Variants in DGKB observed in about 807,000 individuals in gnomAD.
DGKB encodes the protein 90 kDa diacylglycerol kinase.
In DGKB, 67 loss-of-function variants were observed where a neutral mutation model predicts 114.3. The observed-to-expected ratio is 0.59, with a 90% CI of 0.48 to 0.72. DGKB has a LOEUF of 0.72. Among genes scored for constraint, DGKB ranks in the 30% least tolerant of loss-of-function variants. DGKB has a pLI of 0.00. For synonymous variants in DGKB, 398 were observed against 323.1 expected (o/e 1.23, Z -2.49); for missense variants, 907 against 975.2 (o/e 0.93, Z 0.93).
chr7:14,350,560 C>G (rs75313329), intron 21 of DGKB, among the ~76,000 whole-genome samples: 3,481 of 151,834 alleles, frequency 0.023, 58 homozygotes, highest in Middle Eastern at 0.041. Context: ...TCATAAGCAA[C>G]AAAAAAGTTT....
intron 21 of DGKB, among the ~76,000 whole-genome samples, chr7:14,382,219 T>C (rs1045974982): frequency 2.0e-5 from 3 of 151,952 alleles, no homozygotes; most frequent in African/African-American, 4.8e-5. Context: ...ACTGGGGATA[T>C]GCCTACCATG....
At chr7:14,304,295 G>A (rs1481172985) in intron 23 of DGKB, among the ~76,000 whole-genome samples, 3 of 151,424 alleles carry the variant, frequency 2.0e-5, no homozygotes, top group African/African-American at 7.3e-5. Flanking sequence ...TCCACATTTG[G>A]CATCATTACA....
intron 23 of DGKB, among the ~76,000 whole-genome samples, chr7:14,302,484 C>T (rs561113558): frequency 6.6e-6 from 1 of 151,990 alleles, no homozygotes; most frequent in Non-Finnish European, 1.5e-5. Context: ...GATTGTCTAC[C>T]TCCCTGTTCT....
rs533755852 is a variant in DGKB at position 14,607,031 on chromosome 7, T to C, written c.1433+403A>G. Among the ~76,000 whole-genome samples the C allele has an allele frequency of 2.0e-5, 3 of 152,060 alleles. No homozygotes were observed. In the South Asian group the frequency reaches 6.2e-4, roughly 31 times the overall value. On this transcript the variant is annotated intron_variant, in intron 17 of 25. Coordinates refer to ENST00000402815, the MANE Select transcript of DGKB (RefSeq NM_001350709.2). ...TGTTCCAATAATGGAACACTAGGCA[T>C]AAATGGACTAACTAGCTTTCTCTTT...
chr7:14,936,760 C>A (rs2189716), intron 1 of DGKB, among the ~76,000 whole-genome samples: 3,129 of 152,074 alleles, frequency 0.021, 97 homozygotes, highest in African/African-American at 0.07. Flanking sequence ...CATCCTGCTG[C>A]GTTGTTTCTC....
chr7:14,547,823 G>A (rs1794529162), intron 20 of DGKB, among the ~76,000 whole-genome samples: 1 of 152,086 alleles, frequency 6.6e-6, no homozygotes, highest in Non-Finnish European at 1.5e-5. Flanking sequence ...ATGACTGAAA[G>A]AAAATAAAAA....
chr7:14,698,532 G>A (rs573182740), intron 7 of DGKB, among the ~76,000 whole-genome samples: 9 of 152,222 alleles, frequency 5.9e-5, no homozygotes, highest in Admixed American at 2.6e-4. Flanking sequence ...GAAAATAGAT[G>A]TGAAAGGGTG....
chr7:14,191,907 G>A, intron 23 of DGKB: 1 of 579,404 alleles, frequency 1.7e-6, no homozygotes, highest in East Asian at 5.1e-5. Flanking sequence ...AAGATTGATT[G>A]CCAGTCTGGT....
At chr7:14,390,144 A>G (rs1821096408) in intron 21 of DGKB, among the ~76,000 whole-genome samples, 1 of 152,186 alleles carries the variant, frequency 6.6e-6, no homozygotes, top group African/African-American at 2.4e-5. Context: ...TGAGTATACT[A>G]TGATACATAC....
chr7:14,701,603 T>G (rs1450875836), intron 7 of DGKB, 78 bp downstream of exon 7: 5 of 1,035,512 alleles, frequency 4.8e-6, no homozygotes, highest in Non-Finnish European at 7.6e-6. Context: ...TCTGTGGTAA[T>G]AACTACAAAT....
In DGKB at chr7:14,349,751, T is replaced by G. The variant is rs536775975; in HGVS notation, c.1836-4360A>C. On this transcript the variant is annotated intron_variant, in intron 21 of 25. Coordinates refer to ENST00000402815, the MANE Select transcript of DGKB (RefSeq NM_001350709.2). ...TTTTTCAACCAAACTGGTTTTAGGT[T>G]GTAGAAATGCAAAAAAGCACATTTA... 1.9e-3 allele frequency among the ~76,000 whole-genome samples: 294 copies of G among 152,276 alleles called. 1 individual carries two copies. The highest frequency in any genetic ancestry group is 3.4e-3 in the Middle Eastern group (1 of 294).
intron 1 of DGKB, among the ~76,000 whole-genome samples, chr7:14,849,316 C>CA (rs145287568): frequency 0.14 from 20,531 of 151,982 alleles, 1,450 homozygotes; most frequent in South Asian, 0.21. Context: ...ATTTGTCCCC[C>CA]TCACTGCTGC....
intron 20 of DGKB, among the ~76,000 whole-genome samples, chr7:14,506,186 A>G (rs1159052015): frequency 6.6e-6 from 1 of 152,110 alleles, no homozygotes; most frequent in Non-Finnish European, 1.5e-5. Context: ...TTTTGGCAAA[A>G]TTTTCTGATT....
intron 13 of DGKB, among the ~76,000 whole-genome samples, chr7:14,650,821 A>AG (rs1489502919): frequency 6.9e-6 from 1 of 145,952 alleles, no homozygotes; most frequent in Non-Finnish European, 1.5e-5. Flanking sequence ...GGATATCACC[A>AG]CAGATCCCAC....
chr7:14,629,915 G>A (rs917282505), intron 14 of DGKB, among the ~76,000 whole-genome samples: 4 of 151,804 alleles, frequency 2.6e-5, no homozygotes, highest in African/African-American at 4.8e-5. Flanking sequence ...ATTTTAACGT[G>A]AAAAAATGGG....
intron 21 of DGKB, among the ~76,000 whole-genome samples, chr7:14,457,195 C>T (rs950031058): frequency 6.6e-6 from 1 of 152,040 alleles, no homozygotes; most frequent in Non-Finnish European, 1.5e-5. Context: ...TATCATAGTG[C>T]ACTAGTAAAG....
Position 14,753,834 on chromosome 7 carries a change from G to T in DGKB, c.168+94C>A. The T allele has an allele frequency of 4.9e-6, 4 of 823,146 alleles. No individual in the cohort carries two copies. In the South Asian group the frequency reaches 6.0e-5, roughly 12 times the overall value. The allele number at this position is 823,146 out of a possible 1,614,324, so 51.0% of individuals were successfully genotyped here. A position where few individuals can be genotyped will look rare whatever the true frequency, so the allele number is the denominator to read the frequency against. On this transcript the variant is annotated intron_variant, in intron 4 of 25. Coordinates refer to ENST00000402815, the MANE Select transcript of DGKB (RefSeq NM_001350709.2). The stretch of plus-strand genomic sequence containing the variant: ...ATACTATAGAAATCATATTGGTACA[G>T]AAGTATAGTTCAGTGATATGGATGA...
rs1052060015 is a variant in DGKB, at chr7:14,535,297, A to G, written c.1770+38915T>C. Among the ~76,000 whole-genome samples the G allele has an allele frequency of 4.6e-5, 7 of 151,310 alleles. No individual in the cohort carries two copies. The South Asian group carries it at 1.3e-3, about 27-fold the overall frequency. On this transcript the variant is annotated intron_variant, in intron 20 of 25. Transcript: ENST00000402815. ...GGCAGCAGGATTGCTTGAGCCTAGG[A>G]GTTCAAGGCAGTAGCAAGCTATGAA...
At chr7:14,264,413 C>T (rs961441564) in intron 23 of DGKB, among the ~76,000 whole-genome samples, 3 of 152,110 alleles carry the variant, frequency 2.0e-5, no homozygotes, top group Admixed American at 1.3e-4. Flanking sequence ...TTGTGACACA[C>T]ATAGGCATGC....
Sources: allele counts gnomAD v4.1 joint callset (sites outside exome capture counted in the v4.1 genomes callset), GRCh38; gene constraint gnomAD v4.1.1; transcripts MANE v1.5; gene names NCBI Gene and HGNC (gene_info 2026-07-23, HGNC 2026-07-21).